MAST4: variants seen among roughly 807,000 people sequenced by gnomAD.
The protein encoded by MAST4 is microtubule-associated serine/threonine-protein kinase 4.
A neutral mutation model predicts 162.7 loss-of-function variants in MAST4; 89 were observed. The observed-to-expected ratio is 0.55, with a 90% CI of 0.46 to 0.65. The LOEUF (loss-of-function observed/expected upper bound fraction) is 0.65. Among genes scored for constraint, MAST4 ranks in the 30% least tolerant of loss-of-function variants. The pLI, the probability that MAST4 is intolerant of heterozygous loss-of-function variation, is 0.00. For missense variants in MAST4, 3,153 were observed against 3,374.0 expected (o/e 0.93, Z 1.62); for synonymous variants, 1,479 against 1,361.1 (o/e 1.09, Z -1.91).
intron 1 of MAST4, among the ~76,000 whole-genome samples, chr5:66,715,755 G>A (rs1261869736): frequency 2.0e-5 from 3 of 148,866 alleles, no homozygotes; most frequent in Non-Finnish European, 3.0e-5. Context: ...AAAAAATGGA[G>A]TGGAATTACT....
At chr5:66,738,096 G>A (rs1421127353) in intron 1 of MAST4, 1 of 152,168 alleles carries the variant, frequency 6.6e-6, no homozygotes. Flanking sequence ...CAGTTGGGAA[G>A]GGTGATGACA....
intron 1 of MAST4, among the ~76,000 whole-genome samples, chr5:66,707,285 G>C (rs16895518): frequency 0.3 from 45,004 of 152,022 alleles, 6,994 homozygotes; most frequent in African/African-American, 0.38. Context: ...TCAAGCCATT[G>C]TTTCCAGCCA....
At chr5:66,642,454 A>G (rs567256502) in intron 1 of MAST4, among the ~76,000 whole-genome samples, 4 of 152,312 alleles carry the variant, frequency 2.6e-5, no homozygotes, top group African/African-American at 9.6e-5. Context: ...CAATGACTGG[A>G]TATTTGATAT....
intron 2 of MAST4, among the ~76,000 whole-genome samples, chr5:66,783,825 G>T (rs1329111192): frequency 6.6e-6 from 1 of 152,166 alleles, no homozygotes; most frequent in Non-Finnish European, 1.5e-5. Flanking sequence ...GTGGCTCAGA[G>T]TGTGGGGAGA....
chr5:67,052,494 A>C (rs462483), intron 4 of MAST4, among the ~76,000 whole-genome samples: 7 of 151,792 alleles, frequency 4.6e-5, no homozygotes, highest in African/African-American at 1.7e-4. Flanking sequence ...TGTTTTGCCT[A>C]TTGTGGTAGT....
At chr5:66,979,760 A>C (rs888241468) in intron 4 of MAST4, among the ~76,000 whole-genome samples, 1 of 152,230 alleles carries the variant, frequency 6.6e-6, no homozygotes, top group Admixed American at 6.5e-5. Context: ...GGTGCTCTAC[A>C]TATATTTTTA....
intron 3 of MAST4, among the ~76,000 whole-genome samples, chr5:66,886,899 C>T (rs1382980397): frequency 6.6e-6 from 1 of 151,604 alleles, no homozygotes; most frequent in African/African-American, 2.4e-5. Flanking sequence ...TAAGTGTCCA[C>T]TCAGTTGTAT....
chr5:66,673,979 G>C (rs1403817343), intron 1 of MAST4, among the ~76,000 whole-genome samples: 3 of 152,060 alleles, frequency 2.0e-5, no homozygotes, highest in East Asian at 1.9e-4. Flanking sequence ...ATAATGTAAG[G>C]CTCTCAGGAT....
chr5:66,893,365 C>A (rs1762478883), intron 3 of MAST4, among the ~76,000 whole-genome samples: 1 of 150,200 alleles, frequency 6.7e-6, no homozygotes, highest in African/African-American at 2.5e-5. Flanking sequence ...GCCACCACGC[C>A]CAGCTAATTT....
At chr5:66,768,611 C>G (rs1754217138) in intron 2 of MAST4, among the ~76,000 whole-genome samples, 2 of 152,068 alleles carry the variant, frequency 1.3e-5, no homozygotes, top group South Asian at 4.2e-4. Context: ...AGGACTGATT[C>G]ATGGTTGCCA....
At chr5:67,160,755 C>T (rs1192578863) in intron 27 of MAST4, among the ~76,000 whole-genome samples, 163 bp downstream of exon 27, 1 of 152,174 alleles carries the variant, frequency 6.6e-6, no homozygotes, top group Non-Finnish European at 1.5e-5. Flanking sequence ...TTCATAATAG[C>T]ATCAACTTCC....
chr5:66,628,446 C>G (rs1055074384), intron 1 of MAST4, among the ~76,000 whole-genome samples: 13 of 150,508 alleles, frequency 8.6e-5, no homozygotes, highest in African/African-American at 2.5e-4. Flanking sequence ...GCTAAAATGA[C>G]ATGTTGATTA....
At position 66,596,771 on chromosome 5, in the gene MAST4, C is replaced by G. The variant is rs776890579; in HGVS notation, c.116C>G (p.Ala39Gly). ...GCGTCCTCTCCGGGTGCTTCCTCGGCCGAGTCCTCCTCGGGCTCAGAAACT... is the reference window on the plus strand; with the variant it reads ...GCGTCCTCTCCGGGTGCTTCCTCGGGCGAGTCCTCCTCGGGCTCAGAAACT... ...VAASSPGASS[A>G]ESSSGSETLS... The change falls in exon 1 of 29, where the codon GCC becomes GGC. Residue 39 changes from alanine (A) to glycine (G), a missense_variant. Transcript: ENST00000403625. 2.9e-6 allele frequency: 4 copies of G among 1,387,464 alleles called. No individual in the cohort carries two copies. The highest frequency in any genetic ancestry group is 1.5e-5 in the African/African-American group (1 of 66,846). The allele number at this position is 1,387,464 out of a possible 1,614,324, so 85.9% of individuals were successfully genotyped here.
chr5:66,890,423 G>T (rs1762295592), intron 3 of MAST4, among the ~76,000 whole-genome samples: 2 of 152,132 alleles, frequency 1.3e-5, no homozygotes, highest in Admixed American at 1.3e-4. Flanking sequence ...AATGTGTTAG[G>T]AAGCATCAAA....
chr5:67,005,573 A>G (rs1038427809), intron 4 of MAST4, among the ~76,000 whole-genome samples: 3 of 152,254 alleles, frequency 2.0e-5, no homozygotes, highest in African/African-American at 7.2e-5. Flanking sequence ...AGGCAGATCT[A>G]CATAACTTTG....
chr5:66,948,826 C>T (rs1744334404), intron 4 of MAST4, among the ~76,000 whole-genome samples: 1 of 152,040 alleles, frequency 6.6e-6, no homozygotes, highest in African/African-American at 2.4e-5. Context: ...TTTGCTTTGT[C>T]AAGTATTTAT....
intron 1 of MAST4, among the ~76,000 whole-genome samples, chr5:66,652,201 G>A (rs1746269914): frequency 6.6e-6 from 1 of 152,108 alleles, no homozygotes; most frequent in Non-Finnish European, 1.5e-5. Context: ...CAAGCCCTGG[G>A]CACTAGCACA....
At chr5:67,002,117 A>T (rs1751366508) in intron 4 of MAST4, 2 of 152,032 alleles carry the variant, frequency 1.3e-5, no homozygotes, top group Non-Finnish European at 2.9e-5. Flanking sequence ...ACTCAAAGGG[A>T]ATTCCCCTTG....
chr5:66,826,889 T>C (rs894970867), intron 3 of MAST4, among the ~76,000 whole-genome samples: 5 of 152,194 alleles, frequency 3.3e-5, no homozygotes, highest in Non-Finnish European at 2.9e-5. Flanking sequence ...CTAAAACAAC[T>C]CTTGACATTC....
Sources: gnomAD v4.1 joint callset for allele counts (sites outside exome capture counted in the v4.1 genomes callset) on GRCh38, gnomAD v4.1.1 for gene constraint, MANE v1.5 for transcripts, NCBI Gene and HGNC (gene_info 2026-07-23, HGNC 2026-07-21) for gene names.